UXS1: variants seen among roughly 807,000 people sequenced by gnomAD.
UXS1 encodes UDP-glucuronate decarboxylase 1, also known as UDP-glucuronic acid decarboxylase 1.
UXS1 carries 33 observed loss-of-function variants against 62.6 expected under a neutral mutation model. The ratio of observed to expected loss-of-function variants is 0.53; its 90% CI spans 0.40 to 0.70. The LOEUF (loss-of-function observed/expected upper bound fraction) is 0.70, where lower values mean the gene tolerates loss of function less well. UXS1 is among the 30% of genes least tolerant of loss of function. The pLI is 0.00. For synonymous variants in UXS1, 213 were observed against 206.8 expected, an observed-to-expected ratio of 1.03 and a Z score of -0.26; for missense variants, 434 against 556.3, an observed-to-expected ratio of 0.78 and a Z score of 2.21.
intron 6 of UXS1, among the ~76,000 whole-genome samples, chr2:106,139,037 A>G (rs2104973229): frequency 6.6e-6 from 1 of 152,302 alleles, no homozygotes; most frequent in South Asian, 2.1e-4. Context: ...GCTTCGGAAT[A>G]TAAATAAAGC....
At chr2:106,139,644 A>G (rs1680942035) in intron 6 of UXS1, among the ~76,000 whole-genome samples, 1 of 152,202 alleles carries the variant, frequency 6.6e-6, no homozygotes, top group Non-Finnish European at 1.5e-5. Flanking sequence ...AAATCCACAT[A>G]AAAACTGACT....
At chr2:106,101,827 A>G (rs1677623683) in intron 11 of UXS1, 1 of 152,270 alleles carries the variant, frequency 6.6e-6, no homozygotes, top group African/African-American at 2.4e-5. Context: ...TATTTTCAGA[A>G]GCTTTAAAGT....
chr2:106,125,781 T>G (rs1679888468), intron 7 of UXS1, 102 bp from the exon 8 acceptor site: 1 of 995,118 alleles, frequency 1.0e-6, no homozygotes, highest in Admixed American at 2.9e-5. Flanking sequence ...AGACATTTAA[T>G]TATCTATCCA....
intron 6 of UXS1, among the ~76,000 whole-genome samples, chr2:106,139,896 C>T (rs1371725038): frequency 6.6e-6 from 1 of 152,166 alleles, no homozygotes; most frequent in Non-Finnish European, 1.5e-5. Flanking sequence ...ATAAAAGATA[C>T]TTACAGTAGA....
At chr2:106,162,044 G>A (rs923867992) in intron 4 of UXS1, among the ~76,000 whole-genome samples, 1 of 152,122 alleles carries the variant, frequency 6.6e-6, no homozygotes, top group Admixed American at 6.6e-5. Context: ...TAAGCTAGAC[G>A]GAGTTCCATC....
At chr2:106,107,048 T>C (rs1678137106) in intron 10 of UXS1, among the ~76,000 whole-genome samples, 1 of 152,160 alleles carries the variant, frequency 6.6e-6, no homozygotes, top group Admixed American at 6.5e-5. Flanking sequence ...CCAACCTCAC[T>C]GTAGTGAGTA....
chr2:106,105,489 G>A (rs725216), intron 10 of UXS1, among the ~76,000 whole-genome samples: 109,026 of 152,042 alleles, frequency 0.72, 39,417 homozygotes, highest in Non-Finnish European at 0.76. Context: ...AGCTGAGACC[G>A]TCTTGTCTAC....
intron 14 of UXS1, 113 bp from the exon 15 acceptor site, chr2:106,094,270 T>C: frequency 4.8e-6 from 1 of 208,824 alleles, no homozygotes. Context: ...CAGTCAGGCC[T>C]CCTTCAGAGG....
intron 5 of UXS1, among the ~76,000 whole-genome samples, chr2:106,152,602 AAAAG>A: frequency 6.6e-6 from 1 of 152,078 alleles, no homozygotes; most frequent in African/African-American, 2.4e-5. Flanking sequence ...AAGAAAAGAA[AAAAG>A]AAGAGAAAAG....
intron 13 of UXS1, chr2:106,097,481 T>C (rs1677216909): frequency 3.0e-6 from 1 of 336,432 alleles, no homozygotes; most frequent in African/African-American, 2.2e-5. Context: ...CTGCAGCGAA[T>C]CACCACCACA....
At position 106,114,757 on chromosome 2, in the gene UXS1, A is replaced by G. The variant is rs940999257; in HGVS notation, c.760-1992T>C. 4.6e-5 allele frequency among the ~76,000 whole-genome samples: 7 copies of G among 152,200 alleles called. No homozygotes were observed. In the East Asian group the frequency reaches 7.7e-4, roughly 17 times the overall value. ...TGGGCCTGTAATGGTTCAGCAACAG[A>G]GGGCAGCCCTTCTATACAGGTGCAA... On this transcript the variant is annotated intron_variant, in intron 9 of 14. Coordinates refer to ENST00000283148, the MANE Select transcript of UXS1 (RefSeq NM_001253875.2).
In UXS1 at chr2:106,164,792, G is replaced by GTAGAAAGC; in HGVS notation, c.123-1_129dup (p.Leu44AlafsTer14). 20 of 1,587,590 alleles carry GTAGAAAGC rather than the reference G, an allele frequency of 1.3e-5. No individual in the cohort carries two copies. Among genetic ancestry groups the GTAGAAAGC allele is most frequent in the Non-Finnish European group, 1.7e-5 (20 of 1,166,776 alleles). On this transcript the variant is annotated frameshift_variant, in exon 3 of 15. Coordinates refer to ENST00000283148, the MANE Select transcript of UXS1 (RefSeq NM_001253875.2). LOFTEE classifies it high-confidence loss of function. ...CCATTTTCCTGGATAGACCTGTTGAGTAGAAAGCTATAAAACTGAGATCAA... is the reference window on the plus strand; with the variant it reads ...CCATTTTCCTGGATAGACCTGTTGAGTAGAAAGCTAGAAAGCTATAAAACTGAGATCAA...
intron 9 of UXS1, among the ~76,000 whole-genome samples, chr2:106,113,132 A>C (rs1403941503): frequency 6.6e-6 from 1 of 152,244 alleles, no homozygotes; most frequent in Non-Finnish European, 1.5e-5. Context: ...ATGCTTTTCT[A>C]ATCTTTTTCA....
chr2:106,104,590 T>C (rs1404292945), intron 11 of UXS1, among the ~76,000 whole-genome samples: 6 of 152,220 alleles, frequency 3.9e-5, no homozygotes, highest in South Asian at 2.1e-4. Context: ...TGAGTCACGA[T>C]AGTCATGGAG....
At chr2:106,121,019 G>GA (rs1477240394) in intron 9 of UXS1, among the ~76,000 whole-genome samples, 1 of 152,144 alleles carries the variant, frequency 6.6e-6, no homozygotes, top group Non-Finnish European at 1.5e-5. Flanking sequence ...ATGTGAGCAG[G>GA]AATTTAAATG....
chr2:106,141,044 T>C (rs368105694), intron 6 of UXS1, among the ~76,000 whole-genome samples: 7 of 152,212 alleles, frequency 4.6e-5, no homozygotes, highest in South Asian at 4.1e-4. Flanking sequence ...TGGTTTATGA[T>C]GGCCCCAAAC....
chr2:106,178,471 CAA>C, intron 1 of UXS1, among the ~76,000 whole-genome samples: 1 of 151,242 alleles, frequency 6.6e-6, no homozygotes, highest in African/African-American at 2.4e-5. Flanking sequence ...TATATACATA[CAA>C]GTGTGTGTAT....
At chr2:106,124,860 CTTAAT>C (rs1258988756) in intron 8 of UXS1, among the ~76,000 whole-genome samples, 3 of 152,144 alleles carry the variant, frequency 2.0e-5, no homozygotes, top group Non-Finnish European at 4.4e-5. Flanking sequence ...ATTTGGTTTC[CTTAAT>C]TAAAAAAAAG....
At chr2:106,169,200 T>C (rs1361917527) in intron 1 of UXS1, among the ~76,000 whole-genome samples, 3 of 152,198 alleles carry the variant, frequency 2.0e-5, no homozygotes, top group African/African-American at 7.2e-5. Flanking sequence ...TTTACTGTGC[T>C]ATATATCTCA....
Sources: allele counts gnomAD v4.1 joint callset (sites outside exome capture counted in the v4.1 genomes callset), GRCh38; gene constraint gnomAD v4.1.1; transcripts MANE v1.5; gene names NCBI Gene and HGNC (gene_info 2026-07-23, HGNC 2026-07-21).